Variants in LRMDA observed in about 807,000 individuals in gnomAD.
LRMDA encodes leucine rich melanocyte differentiation associated.
LRMDA carries 18 observed loss-of-function variants against 29.8 expected under a neutral mutation model. That is an observed-to-expected ratio of 0.60 (90% confidence interval 0.42 to 0.90). The LOEUF (loss-of-function observed/expected upper bound fraction) is 0.90. Among genes scored for constraint, LRMDA ranks in the 40% least tolerant of loss-of-function variants. LRMDA has a pLI of 0.00. For missense variants in LRMDA, 273 were observed against 273.9 expected (o/e 1.00, Z 0.02); for synonymous variants, 125 against 109.4 (o/e 1.14, Z -0.89).
At chr10:75,455,328 A>G (rs372425947) in intron 2 of LRMDA, among the ~76,000 whole-genome samples, 2 of 152,222 alleles carry the variant, frequency 1.3e-5, no homozygotes, top group African/African-American at 2.4e-5. Context: ...ACCTTCAGGT[A>G]TCGAGAGACA....
At chr10:76,025,997 T>C (rs1367286435) in intron 2 of LRMDA, among the ~76,000 whole-genome samples, 1 of 152,096 alleles carries the variant, frequency 6.6e-6, no homozygotes, top group African/African-American at 2.4e-5. Flanking sequence ...GAACAAGCTA[T>C]AGAGGTGTAC....
At chr10:75,989,805 C>A (rs1847327598) in intron 2 of LRMDA, among the ~76,000 whole-genome samples, 1 of 152,226 alleles carries the variant, frequency 6.6e-6, no homozygotes, top group African/African-American at 2.4e-5. Context: ...CTTATTTCTT[C>A]TGTCCCCTGG....
At chr10:75,638,751 T>G (rs1564528173) in intron 2 of LRMDA, among the ~76,000 whole-genome samples, 1 of 152,214 alleles carries the variant, frequency 6.6e-6, no homozygotes, top group Admixed American at 6.5e-5. Flanking sequence ...TTAAATTACA[T>G]TTAGGATTTG....
intron 2 of LRMDA, among the ~76,000 whole-genome samples, chr10:75,830,418 G>A (rs1408050396): frequency 6.6e-6 from 1 of 152,190 alleles, no homozygotes; most frequent in Non-Finnish European, 1.5e-5. Context: ...ACATACCTGA[G>A]ACTGGGCAAT....
At chr10:76,454,816 C>A (rs1343041523) in intron 6 of LRMDA, among the ~76,000 whole-genome samples, 1 of 152,136 alleles carries the variant, frequency 6.6e-6, no homozygotes, top group Non-Finnish European at 1.5e-5. Flanking sequence ...TTCACAGCAA[C>A]AGGAAGAGGG....
At chr10:75,751,089 A>T (rs1299720567) in intron 2 of LRMDA, among the ~76,000 whole-genome samples, 1 of 152,234 alleles carries the variant, frequency 6.6e-6, no homozygotes, top group African/African-American at 2.4e-5. Flanking sequence ...TGAGGCGGGC[A>T]GATCACTCGC....
Position 75,842,928 on chromosome 10 carries a change from G to A in LRMDA, c.132-193080G>A, listed in dbSNP as rs560505130. Reference sequence around the variant, plus strand: ...CCCAGCTACTGGGAAGGCTGAAGAGGGAGGATTGCTTGAGCCCTGGAGGTC... The same window carrying A: ...CCCAGCTACTGGGAAGGCTGAAGAGAGAGGATTGCTTGAGCCCTGGAGGTC... On this transcript the variant is annotated intron_variant, in intron 2 of 6. Coordinates refer to ENST00000611255, the MANE Select transcript of LRMDA (RefSeq NM_001305581.2). Among the ~76,000 whole-genome samples the A allele has an allele frequency of 6.6e-5, 10 of 152,224 alleles. No homozygotes were observed. The East Asian group carries it at 1.9e-3, about 29-fold the overall frequency.
chr10:76,379,809 G>A (rs1182475170), intron 6 of LRMDA, among the ~76,000 whole-genome samples: 1 of 152,092 alleles, frequency 6.6e-6, no homozygotes, highest in Non-Finnish European at 1.5e-5. Context: ...ACCTTAGACT[G>A]TTAATTTTTG....
chr10:75,652,451 T>G (rs78635124), intron 2 of LRMDA, among the ~76,000 whole-genome samples: 3,499 of 152,374 alleles, frequency 0.023, 56 homozygotes, highest in South Asian at 0.037. Flanking sequence ...GGGAACTAGC[T>G]GTTTTTCTGA....
chr10:75,988,704 C>T (rs945198629), intron 2 of LRMDA, among the ~76,000 whole-genome samples: 3 of 152,158 alleles, frequency 2.0e-5, no homozygotes, highest in Non-Finnish European at 4.4e-5. Context: ...TGTTACTCCT[C>T]TGCTAAGAAA....
intron 2 of LRMDA, among the ~76,000 whole-genome samples, chr10:75,720,786 CAG>C (rs746257103): frequency 1.9e-4 from 29 of 152,240 alleles, no homozygotes; most frequent in Non-Finnish European, 3.5e-4. Context: ...CTCCTTGGTC[CAG>C]TGTGTGTAGA....
At position 75,991,321 on chromosome 10, in the gene LRMDA, C is replaced by T. The variant is rs115432252; in HGVS notation, c.132-44687C>T. ...TACGGTCTCAGAATACAATAAAATG[C>T]ATTGAGTACCTCTTACCCACCAGGG... On this transcript the variant is annotated intron_variant, in intron 2 of 6. Transcript: ENST00000611255. Among the ~76,000 whole-genome samples, 1,406 of 152,236 alleles carry T rather than the reference C, an allele frequency of 9.2e-3. 26 individuals are homozygous for T. The highest frequency in any genetic ancestry group is 0.033 in the African/African-American group (1,353 of 41,542).
At chr10:76,086,154 A>G (rs1021494381) in intron 5 of LRMDA, among the ~76,000 whole-genome samples, 95 of 152,184 alleles carry the variant, frequency 6.2e-4, no homozygotes, top group Non-Finnish European at 5.6e-4. Flanking sequence ...AAGCCCAGTT[A>G]CTTCGTGAGT....
chr10:76,113,853 A>G (rs1397031776), intron 5 of LRMDA, among the ~76,000 whole-genome samples: 2 of 152,128 alleles, frequency 1.3e-5, no homozygotes, highest in Non-Finnish European at 2.9e-5. Context: ...ACGGGGTGCA[A>G]AGTTCACAGA....
Position 75,521,113 on chromosome 10 carries a change from C to T in LRMDA, c.131+82619C>T, listed in dbSNP as rs1370281155. Among the ~76,000 whole-genome samples, 3 of 152,228 alleles carry T rather than the reference C, an allele frequency of 2.0e-5. No individual in the cohort carries two copies. In the East Asian group the frequency reaches 5.8e-4, roughly 29 times the overall value. On this transcript the variant is annotated intron_variant, in intron 2 of 6. Coordinates refer to ENST00000611255, the MANE Select transcript of LRMDA (RefSeq NM_001305581.2). The stretch of plus-strand genomic sequence containing the variant: ...AGGGGCATCCACCTATATGAGGTGT[C>T]TGTCGGCCCCTACTGGGAGGTGTCT...
intron 2 of LRMDA, among the ~76,000 whole-genome samples, chr10:75,839,322 A>G (rs1844494924): frequency 6.6e-6 from 1 of 152,196 alleles, no homozygotes; most frequent in South Asian, 2.1e-4. Flanking sequence ...TCCTTCATCC[A>G]CCAGTCCATC....
At position 76,557,391 on chromosome 10, in the gene LRMDA, C is replaced by G. The variant is rs1426359255; in HGVS notation, c.*103C>G. The G allele has an allele frequency of 3.2e-6, 3 of 940,522 alleles. No individual in the cohort carries two copies. The highest frequency in any genetic ancestry group is 5.0e-6 in the Non-Finnish European group (3 of 603,758). 58.3% of individuals were successfully genotyped at this position (940,522 alleles called of 1,614,324 possible). On this transcript the variant is annotated 3_prime_UTR_variant, in exon 7 of 7. Transcript: ENST00000611255. ...GAAAAAACAATAGCCCACATTGCCTCTCTTTGGGAAAAGCTATGACTTCAG... is the reference window on the plus strand; with the variant it reads ...GAAAAAACAATAGCCCACATTGCCTGTCTTTGGGAAAAGCTATGACTTCAG...
At chr10:75,813,670 T>G (rs1318264223) in intron 2 of LRMDA, among the ~76,000 whole-genome samples, 2 of 152,140 alleles carry the variant, frequency 1.3e-5, no homozygotes, top group Non-Finnish European at 2.9e-5. Context: ...CAATATATGT[T>G]TTGTTTAGGT....
intron 5 of LRMDA, among the ~76,000 whole-genome samples, chr10:76,195,971 C>T (rs1404172629): frequency 4.6e-5 from 7 of 152,140 alleles, no homozygotes; most frequent in Non-Finnish European, 7.4e-5. Flanking sequence ...CAAGAAAATA[C>T]AAAACACCAT....
Sources: allele counts gnomAD v4.1 joint callset (sites outside exome capture counted in the v4.1 genomes callset), GRCh38; gene constraint gnomAD v4.1.1; transcripts MANE v1.5; gene names NCBI Gene and HGNC (gene_info 2026-07-23, HGNC 2026-07-21).